Variants in RMDN1 observed in about 807,000 individuals in gnomAD.
The protein encoded by RMDN1 is regulator of microtubule dynamics protein 1.
In RMDN1, 48 loss-of-function variants were observed where a neutral mutation model predicts 48.9. The ratio of observed to expected loss-of-function variants is 0.98; its 90% CI spans 0.78 to 1.25. RMDN1 has a LOEUF of 1.25. RMDN1 is among the 50% of genes most tolerant of loss of function. The pLI, the probability that RMDN1 is intolerant of heterozygous loss-of-function variation, is 0.00. For synonymous variants in RMDN1, 148 were observed against 132.6 expected (o/e 1.12, Z -0.80); for missense variants, 418 against 373.4 (o/e 1.12, Z -0.98).
intron 2 of RMDN1, among the ~76,000 whole-genome samples, chr8:86,503,396 A>T (rs60694690): frequency 0.28 from 38,975 of 139,104 alleles, 6,716 homozygotes; most frequent in East Asian, 0.53. Context: ...AAAACAAAAA[A>T]AAATAACAAA....
At chr8:86,488,464 A>G (rs536375686) in intron 3 of RMDN1, 88 bp downstream of exon 3, 1 of 629,948 alleles carries the variant, frequency 1.6e-6, no homozygotes, top group African/African-American at 1.9e-5. Context: ...TCAATTTTTA[A>G]AACCTCAAGC....
intron 8 of RMDN1, among the ~76,000 whole-genome samples, chr8:86,475,890 C>T (rs1813285385): frequency 1.3e-5 from 2 of 152,166 alleles, no homozygotes; most frequent in South Asian, 4.1e-4. Context: ...AGTCATTCAA[C>T]AGATTTGCCA....
chr8:86,511,302 G>A (rs1178843418), upstream of RMDN1, among the ~76,000 whole-genome samples: 4 of 151,276 alleles, frequency 2.6e-5, no homozygotes, highest in African/African-American at 4.9e-5. Flanking sequence ...GTGAAACCCC[G>A]TCTCTACTAA....
intron 8 of RMDN1, among the ~76,000 whole-genome samples, chr8:86,476,888 A>G (rs1308825537): frequency 6.6e-6 from 1 of 151,944 alleles, no homozygotes; most frequent in Non-Finnish European, 1.5e-5. Flanking sequence ...TTTGGTAGAG[A>G]TGAGGTCTCG....
At chr8:86,489,847 G>T (rs1218758681) in intron 2 of RMDN1, among the ~76,000 whole-genome samples, 1 of 150,718 alleles carries the variant, frequency 6.6e-6, no homozygotes, top group East Asian at 1.9e-4. Context: ...AAAAGGGGGG[G>T]GATGGGGGTA....
rs778963981 is a variant in RMDN1, at chr8:86,474,356, T to C, written c.897A>G (p.Ile299Met). ...TAAGCAACTGAGCAGCTTCTGTCTG[T>C]ATCTAAAATGGAAAAATACATGTTA... The part of the protein sequence containing the change: ...YPAHTEEDKQ[I>M]QTEAAQLLTS... The change falls in exon 10 of 10, where the codon ATA (isoleucine) becomes ATG (methionine). Residue 299 changes from isoleucine (I) to methionine (M), a missense_variant and splice_region_variant. Transcript: ENST00000406452. 1.9e-6 allele frequency: 3 copies of C among 1,609,480 alleles called. No homozygotes were observed. The highest frequency in any genetic ancestry group is 2.6e-6 in the Non-Finnish European group (3 of 1,176,164).
At chr8:86,505,288 A>T in intron 2 of RMDN1, 1 of 485,560 alleles carries the variant, frequency 2.1e-6, no homozygotes, top group Non-Finnish European at 4.0e-6. Context: ...AGGAGAGACC[A>T]AGTGAACCTA....
intron 7 of RMDN1, among the ~76,000 whole-genome samples, chr8:86,477,829 A>G (rs2130575606): frequency 6.6e-6 from 1 of 152,226 alleles, no homozygotes; most frequent in South Asian, 2.1e-4. Context: ...GATTTCTAGA[A>G]ACATAACTAA....
intron 2 of RMDN1, among the ~76,000 whole-genome samples, chr8:86,489,225 T>C (rs1358831685): frequency 1.3e-5 from 2 of 152,338 alleles, no homozygotes; most frequent in East Asian, 3.9e-4. Context: ...GTCAGAGCTG[T>C]CATCAGAAAT....
At chr8:86,509,141 G>T (rs1201437677), upstream of RMDN1, among the ~76,000 whole-genome samples, 1 of 152,116 alleles carries the variant, frequency 6.6e-6, no homozygotes, top group Non-Finnish European at 1.5e-5. Flanking sequence ...CAGTCTCTTC[G>T]ACTGAGCGAC....
intron 5 of RMDN1, chr8:86,482,518 T>C (rs372498848): frequency 1.9e-5 from 13 of 692,766 alleles, no homozygotes; most frequent in South Asian, 1.8e-4. Flanking sequence ...CTGTCACACA[T>C]AATCATAGTA....
chr8:86,475,123 A>G, intron 8 of RMDN1, 170 bp from the exon 9 acceptor site: 1 of 530,672 alleles, frequency 1.9e-6, no homozygotes, highest in Non-Finnish European at 3.2e-6. Context: ...TATTTGTAAA[A>G]TAATAATTAC....
intron 2 of RMDN1, chr8:86,503,613 C>T: frequency 2.0e-6 from 1 of 491,066 alleles, no homozygotes; most frequent in Admixed American, 2.2e-5. Context: ...CTGATCGTTG[C>T]CATTACAGTT....
Position 86,472,657 on chromosome 8 carries a change from ATTT to A in RMDN1, c.*1648_*1650del, listed in dbSNP as rs528786009. 61 of 433,174 alleles carry A rather than the reference ATTT, an allele frequency of 1.4e-4. No homozygotes were observed. The highest frequency in any genetic ancestry group is 6.2e-4 in the Middle Eastern group (1 of 1,604). The allele number at this position is 433,174 out of a possible 1,614,324, so 26.8% of individuals were successfully genotyped here. ...TTTCACTGTATCAGTGGTGTGTCAT[ATTT>A]TTTTTTTTGCCATCCTTGTTCCTGT... On this transcript the variant is annotated 3_prime_UTR_variant, in exon 10 of 10. Transcript: ENST00000406452.
downstream of RMDN1, chr8:86,470,229 T>C (rs1812424522): frequency 3.1e-6 from 4 of 1,289,186 alleles, no homozygotes; most frequent in African/African-American, 4.6e-5. Context: ...TTGATATACA[T>C]GTACGTGGGG....
At chr8:86,494,530 T>C (rs944014441) in intron 2 of RMDN1, among the ~76,000 whole-genome samples, 18 of 152,292 alleles carry the variant, frequency 1.2e-4, no homozygotes, top group African/African-American at 4.1e-4. Context: ...CACTTCAGCC[T>C]GGGTGACAGA....
chr8:86,472,054 A>G (rs1812643450), downstream of RMDN1, among the ~76,000 whole-genome samples: 1 of 152,244 alleles, frequency 6.6e-6, no homozygotes, highest in Non-Finnish European at 1.5e-5. Context: ...TAACTTCTCC[A>G]GTTGTGATAA....
intron 2 of RMDN1, among the ~76,000 whole-genome samples, chr8:86,492,242 CT>C (rs1462453115): frequency 6.6e-6 from 1 of 151,984 alleles, no homozygotes; most frequent in African/African-American, 2.4e-5. Context: ...AAAAAAGAAC[CT>C]TTAAGTTGGG....
intron 1 of RMDN1, chr8:86,508,269 T>C: frequency 2.2e-6 from 1 of 462,078 alleles, no homozygotes; most frequent in Non-Finnish European, 3.8e-6. Flanking sequence ...CTGGGGCGCG[T>C]GGGGGCAAAC....
Sources: gnomAD v4.1 joint callset for allele counts (sites outside exome capture counted in the v4.1 genomes callset) on GRCh38, gnomAD v4.1.1 for gene constraint, MANE v1.5 for transcripts, NCBI Gene and HGNC (gene_info 2026-07-23, HGNC 2026-07-21) for gene names.